Variants in WWOX observed in about 807,000 individuals in gnomAD.
The protein encoded by WWOX is WW domain containing oxidoreductase, also known as WW domain-containing oxidoreductase.
Under a neutral mutation model 46.2 loss-of-function variants are expected in WWOX, and 69 were observed. The observed-to-expected ratio is 1.49, with a 90% CI of 1.23 to 1.82. The LOEUF (loss-of-function observed/expected upper bound fraction) is 1.82, where lower values mean the gene tolerates loss of function less well. Ranked by LOEUF, WWOX falls within the 40% of genes most tolerant of loss-of-function variation. The pLI, the probability that WWOX is intolerant of heterozygous loss-of-function variation, is 0.00. For missense variants in WWOX, 919 were observed against 542.6 expected, an observed-to-expected ratio of 1.69 and a Z score of -6.89; for synonymous variants, 359 against 202.6, an observed-to-expected ratio of 1.77 and a Z score of -6.56.
chr16:78,454,695 G>C (rs1324214656), intron 8 of WWOX, among the ~76,000 whole-genome samples: 1 of 151,816 alleles, frequency 6.6e-6, no homozygotes. Flanking sequence ...TTTTTAGCAA[G>C]GTTGTTGATC....
intron 8 of WWOX, among the ~76,000 whole-genome samples, chr16:78,748,771 A>G (rs926895770): frequency 1.5e-4 from 23 of 152,294 alleles, no homozygotes; most frequent in Admixed American, 1.3e-3. Flanking sequence ...GCTCGGTGAT[A>G]TTACATCTGC....
At chr16:78,144,474 T>TATATATACACAC (rs1287444006) in intron 4 of WWOX, among the ~76,000 whole-genome samples, 1 of 34,468 alleles carries the variant, frequency 2.9e-5, no homozygotes, top group African/African-American at 1.4e-4. Context: ...CACACATATA[T>TATATATACACAC]ATATATATAT....
intron 5 of WWOX, among the ~76,000 whole-genome samples, chr16:78,343,787 G>T (rs1300850570): frequency 8.3e-6 from 1 of 120,574 alleles, no homozygotes. Context: ...CTAAAGGAGT[G>T]ACTTGCTCTC....
chr16:78,693,964 G>A (rs1386878103), intron 8 of WWOX, among the ~76,000 whole-genome samples: 1 of 152,144 alleles, frequency 6.6e-6, no homozygotes. Flanking sequence ...TGGACGTGGT[G>A]GCTCATACCT....
At chr16:78,959,831 A>G (rs1332615194) in intron 8 of WWOX, among the ~76,000 whole-genome samples, 2 of 152,192 alleles carry the variant, frequency 1.3e-5, no homozygotes, top group African/African-American at 2.4e-5. Flanking sequence ...CATACGGGGA[A>G]CTATAAAAGA....
chr16:78,990,082 G>A (rs771853106), intron 8 of WWOX, among the ~76,000 whole-genome samples: 3 of 151,612 alleles, frequency 2.0e-5, no homozygotes, highest in Non-Finnish European at 4.4e-5. Context: ...TACTCGGGAG[G>A]CTGAAGTGGG....
chr16:79,118,163 C>T (rs1031228362), intron 8 of WWOX, among the ~76,000 whole-genome samples: 5 of 152,198 alleles, frequency 3.3e-5, no homozygotes, highest in African/African-American at 1.2e-4. Context: ...CTGACTTTCT[C>T]TTGGGCACTG....
At chr16:78,587,586 G>C (rs2045244660) in intron 8 of WWOX, among the ~76,000 whole-genome samples, 1 of 152,132 alleles carries the variant, frequency 6.6e-6, no homozygotes. Context: ...CGTAAACAGA[G>C]ATGTTGATGA....
intron 8 of WWOX, among the ~76,000 whole-genome samples, chr16:78,983,160 G>A (rs965384): frequency 0.85 from 128,798 of 152,174 alleles, 54,936 homozygotes; most frequent in Non-Finnish European, 0.88. Context: ...AAACTCCATC[G>A]TTAGGAATTC....
intron 5 of WWOX, among the ~76,000 whole-genome samples, chr16:78,258,800 A>ACCTTAAAG (rs1355264735): frequency 1.3e-5 from 2 of 151,270 alleles, no homozygotes; most frequent in African/African-American, 2.4e-5. Flanking sequence ...TATTATCTTG[A>ACCTTAAAG]CCTTAAAGTT....
At chr16:78,368,975 C>A (rs1016339789) in intron 5 of WWOX, among the ~76,000 whole-genome samples, 1 of 152,120 alleles carries the variant, frequency 6.6e-6, no homozygotes, top group Non-Finnish European at 1.5e-5. Context: ...CCTTTCTCTG[C>A]ATTTCTCAGT....
At chr16:78,362,612 C>G (rs1489136643) in intron 5 of WWOX, among the ~76,000 whole-genome samples, 1 of 151,804 alleles carries the variant, frequency 6.6e-6, no homozygotes, top group Non-Finnish European at 1.5e-5. Context: ...CTATCTACCC[C>G]CCACCCTGCA....
intron 8 of WWOX, among the ~76,000 whole-genome samples, chr16:78,769,561 A>C (rs1474249839): frequency 2.0e-5 from 1 of 49,608 alleles, no homozygotes; most frequent in African/African-American, 8.2e-5. Flanking sequence ...TTATTTATTT[A>C]TTTATTTATT....
chr16:78,393,857 A>G (rs2082229797), intron 6 of WWOX, among the ~76,000 whole-genome samples: 1 of 152,156 alleles, frequency 6.6e-6, no homozygotes, highest in Non-Finnish European at 1.5e-5. Context: ...TAATTAAAAA[A>G]AAGGTTAAAA....
At chr16:79,070,838 G>A (rs2048536563) in intron 8 of WWOX, among the ~76,000 whole-genome samples, 1 of 152,202 alleles carries the variant, frequency 6.6e-6, no homozygotes, top group Admixed American at 6.5e-5. Flanking sequence ...CTATATTGGT[G>A]AGGGAGTGGA....
At chr16:78,144,523 AT>A (rs138841166) in intron 4 of WWOX, among the ~76,000 whole-genome samples, 671 of 18,494 alleles carry the variant, frequency 0.036, 161 homozygotes, top group East Asian at 0.11. Flanking sequence ...ATATATATAT[AT>A]TTTTTTTTTT....
At chr16:78,610,524 G>T (rs1405662491) in intron 8 of WWOX, among the ~76,000 whole-genome samples, 1 of 152,106 alleles carries the variant, frequency 6.6e-6, no homozygotes, top group African/African-American at 2.4e-5. Context: ...TGGGAAGGAA[G>T]CTGTCTTACC....
intron 8 of WWOX, among the ~76,000 whole-genome samples, chr16:78,877,150 A>C (rs563446456): frequency 6.6e-6 from 1 of 152,326 alleles, no homozygotes; most frequent in Admixed American, 6.5e-5. Context: ...TAATTTAGTC[A>C]GACGAGGAAG....
intron 8 of WWOX, among the ~76,000 whole-genome samples, chr16:79,155,532 A>G (rs2050364313): frequency 6.8e-6 from 1 of 146,460 alleles, no homozygotes; most frequent in South Asian, 2.1e-4. Flanking sequence ...ATCGTAGACC[A>G]TAAAAAAACA....
Sources: allele counts gnomAD v4.1 joint callset (sites outside exome capture counted in the v4.1 genomes callset), GRCh38; gene constraint gnomAD v4.1.1; transcripts MANE v1.5; gene names NCBI Gene and HGNC (gene_info 2026-07-23, HGNC 2026-07-21).